Variants in THAP3 observed in about 807,000 individuals in gnomAD.
THAP3 encodes the protein THAP domain-containing protein 3.
THAP3 carries 12 observed loss-of-function variants against 17.7 expected under a neutral mutation model. That is an observed-to-expected ratio of 0.68 (90% CI 0.43 to 1.10). The LOEUF is 1.10. THAP3 is among the 50% of genes least tolerant of loss of function. The probability of loss-of-function intolerance (pLI) is 0.00; values close to 1 mark genes in which losing one functional copy is unlikely to be tolerated. For synonymous variants in THAP3, 133 were observed against 126.9 expected, an observed-to-expected ratio of 1.05 and a Z score of -0.32; for missense variants, 289 against 318.0, an observed-to-expected ratio of 0.91 and a Z score of 0.69.
At chr1:6,630,228 C>T in intron 3 of THAP3, 60 bp from the exon 4 acceptor site, 2 of 1,497,110 alleles carry the variant, frequency 1.3e-6, no homozygotes, top group South Asian at 1.1e-5. Flanking sequence ...ATGCCCGAGG[C>T]CTGCCCCGAG....
chr1:6,628,477 C>T (rs556965768), intron 2 of THAP3, 22 bp from the exon 3 acceptor site: 24 of 1,589,658 alleles, frequency 1.5e-5, no homozygotes, highest in Middle Eastern at 1.9e-4. Context: ...CTGGGCCTCA[C>T]ACCCCGTGCC....
chr1:6,629,208 A>T (rs1641543845), intron 3 of THAP3, among the ~76,000 whole-genome samples: 1 of 152,160 alleles, frequency 6.6e-6, no homozygotes, highest in Non-Finnish European at 1.5e-5. Context: ...GCTCACAAAG[A>T]GTTGGATGCT....
At chr1:6,628,327 T>A in intron 2 of THAP3, 172 bp from the exon 3 acceptor site, 1 of 607,572 alleles carries the variant, frequency 1.6e-6, no homozygotes, top group Non-Finnish European at 2.8e-6. Flanking sequence ...TAAGAGTGCT[T>A]TAACAGCTGT....
intron 2 of THAP3, 59 bp downstream of exon 2, chr1:6,625,351 C>T (rs1170730479): frequency 1.4e-6 from 2 of 1,453,170 alleles, no homozygotes; most frequent in Non-Finnish European, 1.8e-6. Flanking sequence ...CGGACCGACT[C>T]CGAGGCCTTG....
intron 5 of THAP3, 40 bp downstream of exon 5, chr1:6,632,535 G>C: frequency 6.2e-7 from 1 of 1,612,646 alleles, no homozygotes; most frequent in Non-Finnish European, 8.5e-7. Context: ...TTGGACACAA[G>C]ATGACTTGCT....
chr1:6,634,791 G>A (rs1172692387), downstream of THAP3: 1 of 1,305,082 alleles, frequency 7.7e-7, no homozygotes. Flanking sequence ...CCACCTGCTG[G>A]GTACCACGGG....
chr1:6,631,841 C>G (rs533422868), intron 4 of THAP3, among the ~76,000 whole-genome samples: 1 of 150,956 alleles, frequency 6.6e-6, no homozygotes, highest in Non-Finnish European at 1.5e-5. Context: ...GAGCTGAGAT[C>G]GCACCACTTC....
At position 6,632,371 on chromosome 1, in the gene THAP3, C is replaced by CG; in HGVS notation, c.334-20_334-19insG. The CG allele has an allele frequency of 6.2e-7, 1 of 1,612,930 alleles. No homozygotes were observed. The highest frequency in any genetic ancestry group is 8.5e-7 in the Non-Finnish European group (1 of 1,179,790). On this transcript the variant is annotated intron_variant, in intron 4 of 5. Transcript: ENST00000054650. ...TGCATGTGCAGGGCTGTAGTGCAGA[C>CG]TTCACCCTGCCGTTCCCAGGTCCTC... is the stretch of plus-strand genomic sequence containing the variant.
chr1:6,625,641 C>T (rs942696629), intron 2 of THAP3, among the ~76,000 whole-genome samples: 6 of 152,016 alleles, frequency 3.9e-5, no homozygotes, highest in African/African-American at 1.4e-4. Context: ...GGCACCTGGG[C>T]AGTGCAGTGG....
chr1:6,634,494 G>A (rs781731643), downstream of THAP3: 20 of 1,339,610 alleles, frequency 1.5e-5, 1 homozygote, highest in South Asian at 5.9e-5. Flanking sequence ...GCTGGAGGCC[G>A]GCGCAGCTTG....
chr1:6,634,999 G>A (rs915031196), downstream of THAP3: 13 of 606,352 alleles, frequency 2.1e-5, no homozygotes, highest in Admixed American at 3.9e-5. Context: ...ACCTGTGTCA[G>A]GGCTAGGCCC....
At chr1:6,634,236 G>A (rs964693226), downstream of THAP3, 32 of 901,494 alleles carry the variant, frequency 3.5e-5, 1 homozygote, top group Non-Finnish European at 5.0e-5. Context: ...AAACGCAGAG[G>A]ATGGGTGCCC....
chr1:6,629,179 G>A (rs1211633844), intron 3 of THAP3, among the ~76,000 whole-genome samples: 1 of 152,218 alleles, frequency 6.6e-6, no homozygotes, highest in Non-Finnish European at 1.5e-5. Flanking sequence ...TGGGATGTGT[G>A]GGCCTGGCTC....
At position 6,632,704 on chromosome 1, in the gene THAP3, G is replaced by T. The variant is rs776399909; in HGVS notation, c.439-92G>T. 16 of 1,522,500 alleles carry T rather than the reference G, an allele frequency of 1.1e-5. No individual in the cohort carries two copies. The South Asian group carries it at 1.8e-4, about 17-fold the overall frequency. 94.3% of individuals were successfully genotyped at this position (1,522,500 alleles called of 1,614,324 possible). ...AGCCCGGAGTGTCTAGCTGCCCTGG[G>T]GTTGTGCTGTGTGCGTGTCTGGTGG... On this transcript the variant is annotated intron_variant, in intron 5 of 5. Coordinates refer to ENST00000054650, the MANE Select transcript of THAP3 (RefSeq NM_001195753.2).
At chr1:6,634,035 G>A, downstream of THAP3, 2 of 1,613,654 alleles carry the variant, frequency 1.2e-6, no homozygotes, top group Non-Finnish European at 1.7e-6. Flanking sequence ...GTTGTTTAAT[G>A]TAGAAAATGG....
In THAP3 at chr1:6,632,781, C is replaced by A. The variant is rs777430494; in HGVS notation, c.439-15C>A. 5 of 1,612,398 alleles carry A rather than the reference C, an allele frequency of 3.1e-6. No individual in the cohort carries two copies. The highest frequency in any genetic ancestry group is 4.2e-6 in the Non-Finnish European group (5 of 1,179,706). On this transcript the variant is annotated splice_polypyrimidine_tract_variant and intron_variant, in intron 5 of 5. Transcript: ENST00000054650. ...CTGGTGATGCAGCTCTAGGCTCTCA[C>A]TCCCCTGTCCTCAGGTCTCGCCACG...
At chr1:6,628,736 T>C (rs1030432627) in intron 3 of THAP3, 45 bp downstream of exon 3, 19 of 1,562,228 alleles carry the variant, frequency 1.2e-5, no homozygotes, top group Non-Finnish European at 1.6e-5. Flanking sequence ...CCAGCCTGCG[T>C]TGTTTACCAG....
Position 6,633,190 on chromosome 1 carries a change from G to A in THAP3, c.*113G>A. The A allele has an allele frequency of 3.4e-6, 5 of 1,466,326 alleles. No homozygotes were observed. The highest frequency in any genetic ancestry group is 4.5e-6 in the Non-Finnish European group (5 of 1,113,406). 90.8% of individuals were successfully genotyped at this position (1,466,326 alleles called of 1,614,324 possible). ...TGGACACTGAGAAAGTTGGCCATGA[G>A]GCCTGCTTGGCCGGGGATCGAGACA... is the stretch of plus-strand genomic sequence containing the variant. On this transcript the variant is annotated 3_prime_UTR_variant, in exon 6 of 6. Coordinates refer to ENST00000054650, the MANE Select transcript of THAP3 (RefSeq NM_001195753.2).
chr1:6,635,017 G>A (rs1381746189), downstream of THAP3: 8 of 472,242 alleles, frequency 1.7e-5, no homozygotes, highest in East Asian at 4.4e-4. Flanking sequence ...CCCTGGGATC[G>A]GGAGTTACAC....
Sources: allele counts gnomAD v4.1 joint callset (sites outside exome capture counted in the v4.1 genomes callset), GRCh38; gene constraint gnomAD v4.1.1; transcripts MANE v1.5; gene names NCBI Gene and HGNC (gene_info 2026-07-23, HGNC 2026-07-21).